The following ITGBL1 variants were observed in gnomAD, a reference collection of about 807,000 sequenced individuals.
ITGBL1 encodes the protein integrin beta-like protein 1.
ITGBL1 carries 51 observed loss-of-function variants against 68.5 expected under a neutral mutation model. That is an observed-to-expected ratio of 0.74 (90% CI 0.59 to 0.94). The LOEUF is 0.94. ITGBL1 is among the 40% of genes least tolerant of loss of function. ITGBL1 has a pLI of 0.00. For missense variants in ITGBL1, 649 were observed against 647.4 expected, an observed-to-expected ratio of 1.00 and a Z score of -0.03; for synonymous variants, 209 against 227.3, an observed-to-expected ratio of 0.92 and a Z score of 0.72.
intron 7 of ITGBL1, among the ~76,000 whole-genome samples, chr13:101,671,727 C>T (rs930803703): frequency 2.0e-5 from 3 of 151,992 alleles, no homozygotes; most frequent in Non-Finnish European, 4.4e-5. Flanking sequence ...CGTGAGCCAC[C>T]GCGCCCGGCC....
At chr13:101,650,759 T>C (rs2032723262) in intron 7 of ITGBL1, among the ~76,000 whole-genome samples, 2 of 152,046 alleles carry the variant, frequency 1.3e-5, no homozygotes. Context: ...CAAGCACCCA[T>C]TAGCTTTTCT....
chr13:101,659,527 CT>C (rs76601927), intron 7 of ITGBL1, among the ~76,000 whole-genome samples: 25,082 of 152,070 alleles, frequency 0.16, 2,670 homozygotes, highest in Admixed American at 0.26. Flanking sequence ...ATTATTCCTG[CT>C]GACAGAATTT....
chr13:101,556,834 C>T (rs1304010186), intron 2 of ITGBL1, among the ~76,000 whole-genome samples: 1 of 152,146 alleles, frequency 6.6e-6, no homozygotes, highest in Non-Finnish European at 1.5e-5. Context: ...CCTGTTCGCA[C>T]CTTGGTTTTG....
At chr13:101,598,104 T>C in intron 6 of ITGBL1, 49 bp from the exon 7 acceptor site, 1 of 1,524,852 alleles carries the variant, frequency 6.6e-7, no homozygotes. Context: ...TAATTCCAAC[T>C]TCATTATCTT....
At chr13:101,553,787 T>C (rs1249036769) in intron 2 of ITGBL1, among the ~76,000 whole-genome samples, 2 of 152,124 alleles carry the variant, frequency 1.3e-5, no homozygotes, top group Non-Finnish European at 1.5e-5. Context: ...ATTTCCCCCC[T>C]TTTTTTGAGA....
At chr13:101,588,694 A>T (rs5806235) in intron 6 of ITGBL1, among the ~76,000 whole-genome samples, 1,054 of 9,806 alleles carry the variant, frequency 0.11, 14 homozygotes, top group Middle Eastern at 0.25. Flanking sequence ...TTTGTCTATT[A>T]AAAAAAAAAA....
chr13:101,488,362 G>GC (rs2048729305), intron 2 of ITGBL1, among the ~76,000 whole-genome samples: 1 of 152,140 alleles, frequency 6.6e-6, no homozygotes, highest in South Asian at 2.1e-4. Context: ...AGACTGCATG[G>GC]CACTTCCAAG....
chr13:101,613,146 T>C (rs574978841), intron 7 of ITGBL1, among the ~76,000 whole-genome samples: 1 of 152,326 alleles, frequency 6.6e-6, no homozygotes, highest in African/African-American at 2.4e-5. Context: ...TACTCTGAAA[T>C]GTTGTTGTGA....
At chr13:101,720,367 C>T (rs978000554), downstream of ITGBL1, 1 of 152,106 alleles carries the variant, frequency 6.6e-6, no homozygotes, top group African/African-American at 2.4e-5. Context: ...CCCTTATAGA[C>T]ACCCCATATA....
intron 7 of ITGBL1, among the ~76,000 whole-genome samples, chr13:101,687,398 A>G (rs1398776176): frequency 6.6e-6 from 1 of 151,922 alleles, no homozygotes; most frequent in African/African-American, 2.4e-5. Context: ...TGATTGTGGG[A>G]AAATATAAAT....
chr13:101,671,422 C>CTT (rs1190065334), intron 7 of ITGBL1, among the ~76,000 whole-genome samples: 5 of 117,998 alleles, frequency 4.2e-5, no homozygotes, highest in Non-Finnish European at 5.3e-5. Flanking sequence ...AAAAGTATAC[C>CTT]TTTGTTTTTT....
chr13:101,576,092 A>C (rs1566738875), intron 4 of ITGBL1, among the ~76,000 whole-genome samples: 1 of 152,170 alleles, frequency 6.6e-6, no homozygotes, highest in Admixed American at 6.6e-5. Flanking sequence ...GCTAGTGACA[A>C]ATTCTGCAAT....
At chr13:101,610,957 G>A (rs1013970999) in intron 7 of ITGBL1, among the ~76,000 whole-genome samples, 2 of 152,088 alleles carry the variant, frequency 1.3e-5, no homozygotes, top group East Asian at 3.9e-4. Context: ...AAAAATAAAA[G>A]GACATCCCAG....
chr13:101,505,775 T>C (rs2049018025), intron 2 of ITGBL1, among the ~76,000 whole-genome samples: 1 of 152,156 alleles, frequency 6.6e-6, no homozygotes, highest in Non-Finnish European at 1.5e-5. Flanking sequence ...TGCTTGCTAA[T>C]ACTCCCCAGA....
intron 2 of ITGBL1, among the ~76,000 whole-genome samples, chr13:101,467,985 G>A (rs1427621812): frequency 1.3e-5 from 2 of 152,068 alleles, no homozygotes; most frequent in Admixed American, 6.6e-5. Flanking sequence ...GGTAGAGTAA[G>A]GAGCCAAAAT....
chr13:101,712,596 A>G (rs2034521373), intron 9 of ITGBL1: 1 of 152,230 alleles, frequency 6.6e-6, no homozygotes, highest in African/African-American at 2.4e-5. Context: ...TTTAGAAACA[A>G]CTAAAGACAG....
chr13:101,454,646 AT>A (rs2048216938), intron 2 of ITGBL1, among the ~76,000 whole-genome samples: 1 of 152,050 alleles, frequency 6.6e-6, no homozygotes, highest in Non-Finnish European at 1.5e-5. Flanking sequence ...TTAGGCCTGT[AT>A]TTTATTTTAC....
intron 7 of ITGBL1, among the ~76,000 whole-genome samples, chr13:101,602,619 C>G (rs888577875): frequency 6.6e-6 from 1 of 151,898 alleles, no homozygotes; most frequent in African/African-American, 2.4e-5. Context: ...TCACATACCA[C>G]TCAGTATTTT....
chr13:101,457,222 G>A (rs997710688), intron 2 of ITGBL1, among the ~76,000 whole-genome samples: 5 of 152,186 alleles, frequency 3.3e-5, no homozygotes, highest in Non-Finnish European at 5.9e-5. Context: ...GGATGGAGAT[G>A]ACAGATGGGT....
Sources: allele counts gnomAD v4.1 joint callset (sites outside exome capture counted in the v4.1 genomes callset), GRCh38; gene constraint gnomAD v4.1.1; transcripts MANE v1.5; gene names NCBI Gene and HGNC (gene_info 2026-07-23, HGNC 2026-07-21).